The following CLTC variants were observed in gnomAD, a reference collection of about 807,000 sequenced individuals.
The protein encoded by CLTC is clathrin heavy chain, also known as clathrin heavy chain 1.
CLTC carries 16 observed loss-of-function variants against 195.8 expected under a neutral mutation model. The ratio of observed to expected loss-of-function variants is 0.08; its 90% confidence interval spans 0.06 to 0.12. The LOEUF (loss-of-function observed/expected upper bound fraction) is 0.12, where lower values mean the gene tolerates loss of function less well. Among genes scored for constraint, CLTC ranks in the 10% least tolerant of loss-of-function variants. The pLI, the probability that CLTC is intolerant of heterozygous loss-of-function variation, is 1.00. For missense variants in CLTC, 796 were observed against 2,027.0 expected, an observed-to-expected ratio of 0.39 and a Z score of 11.66; for synonymous variants, 667 against 689.4, an observed-to-expected ratio of 0.97 and a Z score of 0.51.
At chr17:59,653,720 G>C (rs1172821335) in intron 5 of CLTC, among the ~76,000 whole-genome samples, 1 of 150,744 alleles carries the variant, frequency 6.6e-6, no homozygotes, top group Admixed American at 6.6e-5. Context: ...ATGCCAGTAC[G>C]CCTGGCTACT....
At chr17:59,642,012 T>G (rs534749689) in intron 1 of CLTC, among the ~76,000 whole-genome samples, 392 of 151,576 alleles carry the variant, frequency 2.6e-3, no homozygotes, top group Non-Finnish European at 4.1e-3. Context: ...TTTTTTTTTT[T>G]TTTTTTTTTT....
intron 14 of CLTC, among the ~76,000 whole-genome samples, chr17:59,671,311 T>C (rs569114197): frequency 1.6e-4 from 25 of 152,286 alleles, no homozygotes; most frequent in Admixed American, 6.5e-4. Flanking sequence ...AGTGAACTTA[T>C]TAGATTCCTT....
At position 59,685,737 on chromosome 17, in the gene CLTC, G is replaced by T; in HGVS notation, c.4756G>T (p.Ala1586Ser). Reference protein sequence around the residue: ...LLRPDVVLETAWRHNIMDFAM... With the variant: ...LLRPDVVLETSWRHNIMDFAM... ...AAGGCCAGATGTCGTCCTAGAAACT[G>T]CATGGAGGCACAATATCATGGATTT... Residue 1586 changes from alanine to serine, a missense_variant, in exon 30 of 32, where the codon GCA becomes TCA. This residue lies in a region of CLTC where 148 missense variants were observed against 279.5 expected (regional missense o/e 0.53). Transcript: ENST00000269122. The surrounding 1 kb of genome is among the most constrained non-coding windows in gnomAD (Gnocchi z 5.0). The T allele has an allele frequency of 6.2e-7, 1 of 1,614,096 alleles. No individual in the cohort carries two copies. The highest frequency in any genetic ancestry group is 8.5e-7 in the Non-Finnish European group (1 of 1,179,978).
Position 59,632,007 on chromosome 17 carries a change from C to A in CLTC, c.42+11834C>A, listed in dbSNP as rs547033048. ...AAAAGATTTTAGTTTAGAAGTAAAT[C>A]CCAGAATTAAGTAAAAGTGGTGTGT... On this transcript the variant is annotated intron_variant, in intron 1 of 31. Coordinates refer to ENST00000269122, the MANE Select transcript of CLTC (RefSeq NM_004859.4). Among the ~76,000 whole-genome samples, 144 of 149,838 alleles carry A rather than the reference C, an allele frequency of 9.6e-4. 1 individual carries two copies. Among genetic ancestry groups the A allele is most frequent in the Middle Eastern group, 7.2e-3 (2 of 276 alleles).
Position 59,695,603 on chromosome 17 carries a change from T to G in CLTC, c.*1751T>G, listed in dbSNP as rs1040713352. 9 of 180,052 alleles carry G rather than the reference T, an allele frequency of 5.0e-5. No individual in the cohort carries two copies. Among genetic ancestry groups the G allele is most frequent in the Admixed American group, 3.8e-4 (6 of 15,864 alleles). 11.2% of individuals were successfully genotyped at this position (180,052 alleles called of 1,614,324 possible). On this transcript the variant is annotated 3_prime_UTR_variant, in exon 32 of 32. Coordinates refer to ENST00000269122, the MANE Select transcript of CLTC (RefSeq NM_004859.4). ...TCACTTGAACCTGTGAGGCAAAGGTTGTAGTGAGCCAAGATCACGTCACTG... is the reference window on the plus strand; with the variant it reads ...TCACTTGAACCTGTGAGGCAAAGGTGGTAGTGAGCCAAGATCACGTCACTG...
chr17:59,693,511 T>C (rs2033356808), intron 31 of CLTC, among the ~76,000 whole-genome samples: 1 of 152,178 alleles, frequency 6.6e-6, no homozygotes, highest in Non-Finnish European at 1.5e-5. Context: ...GTTCTGGCCT[T>C]TGGCCCTGCA....
At position 59,679,381 on chromosome 17, in the gene CLTC, A is replaced by C. The variant is rs373947167; in HGVS notation, c.2797-16A>C. ...TTACTTTTTACCTTGAAATTAATCT[A>C]TCATATCTTCTTTAGGTTTGCAATG... On this transcript the variant is annotated splice_polypyrimidine_tract_variant and intron_variant, in intron 17 of 31. Transcript: ENST00000269122. 3.1e-6 allele frequency: 5 copies of C among 1,589,852 alleles called. No homozygotes were observed. In the African/African-American group the frequency reaches 5.4e-5, roughly 17 times the overall value.
Position 59,661,650 on chromosome 17 carries a change from T to C in CLTC, c.1368+7T>C. 3 of 1,612,918 alleles carry C rather than the reference T, an allele frequency of 1.9e-6. No homozygotes were observed. The highest frequency in any genetic ancestry group is 2.5e-6 in the Non-Finnish European group (3 of 1,178,954). On this transcript the variant is annotated splice_region_variant and intron_variant, in intron 8 of 31. Transcript: ENST00000269122. The stretch of plus-strand genomic sequence containing the variant: ...ATGGTTAAAAGAAGATAAGGTACGT[T>C]AAATTATGTTGACATAATCTTGCTT...
chr17:59,691,652 T>C lies in CLTC; in HGVS notation c.4903+941T>C, dbSNP rs1011268088. Among the ~76,000 whole-genome samples, 6 of 144,152 alleles carry C rather than the reference T, an allele frequency of 4.2e-5. 1 individual carries two copies. Among genetic ancestry groups the C allele is most frequent in the Admixed American group, 1.4e-4 (2 of 14,266 alleles). The allele number at this position is 144,152 out of a possible 152,430, so 94.6% of individuals were successfully genotyped here. On this transcript the variant is annotated intron_variant, in intron 31 of 31. Coordinates refer to ENST00000269122, the MANE Select transcript of CLTC (RefSeq NM_004859.4). The stretch of plus-strand genomic sequence containing the variant: ...AAAAAAATATATATATATATATACA[T>C]ATATATATATATAACCATTATATAT...
chr17:59,680,340 C>T (rs1235159497), intron 18 of CLTC, among the ~76,000 whole-genome samples: 1 of 152,048 alleles, frequency 6.6e-6, no homozygotes, highest in Admixed American at 6.5e-5. Flanking sequence ...AAATAGACAA[C>T]ATATTTTAAA....
intron 31 of CLTC, 102 bp downstream of exon 31, chr17:59,690,813 G>A (rs759301299): frequency 2.6e-5 from 22 of 837,406 alleles, no homozygotes; most frequent in Non-Finnish European, 3.5e-5. Context: ...AAGTGCAAAA[G>A]GCTTTCTAAG....
chr17:59,657,267 C>T lies in CLTC; in HGVS notation c.969+1240C>T, dbSNP rs567319244. Among the ~76,000 whole-genome samples the T allele has an allele frequency of 5.6e-4, 86 of 152,240 alleles. 1 individual carries two copies. Among genetic ancestry groups the T allele is most frequent in the Non-Finnish European group, 1.1e-3 (76 of 68,016 alleles). ...CCTGGTTAGGTGCTTTTGCTCTGTA[C>T]TCCTAGAACTTAGGGCTTTCTCCTC... On this transcript the variant is annotated intron_variant, in intron 6 of 31. Coordinates refer to ENST00000269122, the MANE Select transcript of CLTC (RefSeq NM_004859.4).
At chr17:59,649,125 A>G (rs1182166043) in intron 4 of CLTC, among the ~76,000 whole-genome samples, 3 of 152,216 alleles carry the variant, frequency 2.0e-5, no homozygotes, top group African/African-American at 4.8e-5. Context: ...TAATAGAAAC[A>G]AGGTCTGGTT....
chr17:59,650,203 C>T (rs1219884864), intron 4 of CLTC, among the ~76,000 whole-genome samples: 2 of 152,046 alleles, frequency 1.3e-5, no homozygotes. Flanking sequence ...TCTTGCCTGG[C>T]TTATGTGCAG....
chr17:59,654,629 A>G (rs2032419523), intron 5 of CLTC, among the ~76,000 whole-genome samples: 1 of 152,092 alleles, frequency 6.6e-6, no homozygotes, highest in South Asian at 2.1e-4. Context: ...ACAGGTGCAC[A>G]CTGCCATGCC....
At chr17:59,680,565 A>G (rs1343022480) in intron 18 of CLTC, among the ~76,000 whole-genome samples, 1 of 152,210 alleles carries the variant, frequency 6.6e-6, no homozygotes, top group African/African-American at 2.4e-5. Context: ...CAGCATCTAG[A>G]AAACCAAGCA....
intron 5 of CLTC, among the ~76,000 whole-genome samples, chr17:59,653,919 C>T (rs2143522600): frequency 6.6e-6 from 1 of 151,562 alleles, no homozygotes; most frequent in Non-Finnish European, 1.5e-5. Context: ...ATTACAGGCA[C>T]CCGCCACCAC....
In CLTC at chr17:59,667,367, C is replaced by T. The variant is rs543901099; in HGVS notation, c.2128+390C>T. On this transcript the variant is annotated intron_variant, in intron 13 of 31. Transcript: ENST00000269122. ...ATGCTTGTTGGAGCATTTCAGAAAT[C>T]GGATTTTCAGATTAGGGATGCTGAT... Among the ~76,000 whole-genome samples the T allele has an allele frequency of 6.6e-5, 10 of 152,186 alleles. No individual in the cohort carries two copies. In the South Asian group the frequency reaches 1.9e-3, roughly 28 times the overall value.
intron 1 of CLTC, among the ~76,000 whole-genome samples, chr17:59,628,636 G>C (rs1567926329): frequency 6.6e-6 from 1 of 152,136 alleles, no homozygotes; most frequent in Non-Finnish European, 1.5e-5. Context: ...CATGACCCTA[G>C]GTTGAAACTG....
Sources: allele counts gnomAD v4.1 joint callset (sites outside exome capture counted in the v4.1 genomes callset), GRCh38; gene constraint gnomAD v4.1.1; regional missense constraint gnomAD v4.1.1; non-coding constraint Gnocchi (gnomAD v3.1); transcripts MANE v1.5; gene names NCBI Gene and HGNC (gene_info 2026-07-23, HGNC 2026-07-21).